The following POU2F1 variants were observed in gnomAD, a reference collection of about 807,000 sequenced individuals.
The protein encoded by POU2F1 is POU domain, class 2, transcription factor 1.
POU2F1 carries 16 observed loss-of-function variants against 84.9 expected under a neutral mutation model. The observed-to-expected ratio is 0.19, with a 90% confidence interval of 0.13 to 0.29. POU2F1 has a LOEUF of 0.29. Among genes scored for constraint, POU2F1 ranks in the 10% least tolerant of loss-of-function variants. The probability of loss-of-function intolerance (pLI) is 1.00; values close to 1 mark genes in which losing one functional copy is unlikely to be tolerated. For missense variants in POU2F1, 738 were observed against 942.6 expected (o/e 0.78, Z 2.84); for synonymous variants, 368 against 368.3 (o/e 1.00, Z 0.01).
chr1:167,253,713 C>T (rs531165016), intron 1 of POU2F1, among the ~76,000 whole-genome samples: 1 of 152,194 alleles, frequency 6.6e-6, no homozygotes, highest in South Asian at 2.1e-4. Flanking sequence ...AAGCCTGAGC[C>T]ACCACGTCCA....
intron 1 of POU2F1, among the ~76,000 whole-genome samples, chr1:167,290,221 T>C (rs148729520): frequency 6.6e-6 from 1 of 152,116 alleles, no homozygotes; most frequent in Non-Finnish European, 1.5e-5. Flanking sequence ...CAAAACCCTG[T>C]CTCTACAAAA....
intron 1 of POU2F1, among the ~76,000 whole-genome samples, chr1:167,267,164 A>G (rs897759761): frequency 6.6e-6 from 1 of 151,970 alleles, no homozygotes; most frequent in Admixed American, 6.6e-5. Flanking sequence ...TATAATGTGT[A>G]CTGATATAAA....
chr1:167,366,496 A>G (rs1335549926), intron 3 of POU2F1, among the ~76,000 whole-genome samples: 1 of 152,192 alleles, frequency 6.6e-6, no homozygotes, highest in Non-Finnish European at 1.5e-5. Flanking sequence ...CACCTAAACT[A>G]TAAAAGAAAT....
intron 1 of POU2F1, among the ~76,000 whole-genome samples, chr1:167,224,829 T>C (rs75272688): frequency 6.7e-6 from 1 of 149,260 alleles, no homozygotes. Flanking sequence ...TGTCTTCTTT[T>C]TTTTTTTTTT....
chr1:167,381,212 A>G (rs1337438508), intron 7 of POU2F1, among the ~76,000 whole-genome samples: 1 of 152,134 alleles, frequency 6.6e-6, no homozygotes, highest in Non-Finnish European at 1.5e-5. Flanking sequence ...CCTCCTGAGT[A>G]GCTGGGACTA....
chr1:167,351,561 G>GA (rs1395964577), intron 2 of POU2F1, among the ~76,000 whole-genome samples: 2 of 122,634 alleles, frequency 1.6e-5, no homozygotes, highest in Admixed American at 1.6e-4. Context: ...AGAAAAAAAA[G>GA]AAAAGAAACT....
At chr1:167,342,478 A>G (rs1245630256) in intron 2 of POU2F1, among the ~76,000 whole-genome samples, 1 of 152,194 alleles carries the variant, frequency 6.6e-6, no homozygotes, top group Non-Finnish European at 1.5e-5. Flanking sequence ...TATATTCATA[A>G]AAGAGCATGA....
At chr1:167,366,251 CAG>C (rs1659679552) in intron 3 of POU2F1, among the ~76,000 whole-genome samples, 1 of 152,166 alleles carries the variant, frequency 6.6e-6, no homozygotes, top group South Asian at 2.1e-4. Flanking sequence ...GCTAGATTAT[CAG>C]AGTGTCTCAA....
intron 1 of POU2F1, among the ~76,000 whole-genome samples, chr1:167,235,331 C>T (rs1649368706): frequency 6.6e-6 from 1 of 152,138 alleles, no homozygotes; most frequent in Non-Finnish European, 1.5e-5. Flanking sequence ...ACTTATATGC[C>T]AATCATCATT....
intron 7 of POU2F1, among the ~76,000 whole-genome samples, chr1:167,377,574 G>C (rs1228771513): frequency 6.6e-6 from 1 of 152,124 alleles, no homozygotes; most frequent in Non-Finnish European, 1.5e-5. Context: ...GTGACAGAGT[G>C]AGACTCCGTC....
At position 167,374,420 on chromosome 1, in the gene POU2F1, A is replaced by G. The variant is rs1055780517; in HGVS notation, c.591+124A>G. On this transcript the variant is annotated intron_variant, in intron 6 of 15. Transcript: ENST00000367866. ...TTAACTGCCTGAGGAGCTCTAGATCAGTGAGGTAAGCGGTACCCTTCCTTA... is the reference window on the plus strand; with the variant it reads ...TTAACTGCCTGAGGAGCTCTAGATCGGTGAGGTAAGCGGTACCCTTCCTTA... 5 of 874,874 alleles carry G rather than the reference A, an allele frequency of 5.7e-6. No homozygotes were observed. In the Admixed American group the frequency reaches 1.3e-4, roughly 22 times the overall value. 54.2% of individuals were successfully genotyped at this position (874,874 alleles called of 1,614,324 possible).
chr1:167,398,440 A>T (rs950684414), intron 11 of POU2F1, among the ~76,000 whole-genome samples: 1 of 152,112 alleles, frequency 6.6e-6, no homozygotes, highest in African/African-American at 2.4e-5. Context: ...TAAGCAGAGG[A>T]AATGCATGAG....
chr1:167,390,445 G>A (rs1459516194), intron 9 of POU2F1, among the ~76,000 whole-genome samples: 2 of 152,124 alleles, frequency 1.3e-5, no homozygotes, highest in East Asian at 1.9e-4. Context: ...ATTACGGGGT[G>A]TATTATATTA....
At chr1:167,322,788 A>G (rs931753509) in intron 1 of POU2F1, among the ~76,000 whole-genome samples, 2 of 152,230 alleles carry the variant, frequency 1.3e-5, no homozygotes, top group East Asian at 1.9e-4. Flanking sequence ...CATTGTTTTT[A>G]TAGATTTAGA....
chr1:167,322,772 C>T lies in POU2F1; in HGVS notation c.62-9698C>T, dbSNP rs139243510. ...ACATATTTATTGACAGTAAGCCAGT[C>T]ATAAGCATTGTTTTTATAGATTTAG... On this transcript the variant is annotated intron_variant, in intron 1 of 15. Transcript: ENST00000367866. 3.8e-3 allele frequency among the ~76,000 whole-genome samples: 581 copies of T among 152,326 alleles called. 3 individuals are homozygous for T. Among genetic ancestry groups the T allele is most frequent in the African/African-American group, 0.013 (559 of 41,570 alleles).
At chr1:167,296,457 G>A (rs1263791915) in intron 1 of POU2F1, among the ~76,000 whole-genome samples, 1 of 152,072 alleles carries the variant, frequency 6.6e-6, no homozygotes, top group Non-Finnish European at 1.5e-5. Context: ...GTCTGAAGCA[G>A]AAAAACTTCT....
At chr1:167,261,287 A>G (rs1421709806) in intron 1 of POU2F1, among the ~76,000 whole-genome samples, 1 of 152,128 alleles carries the variant, frequency 6.6e-6, no homozygotes, top group Non-Finnish European at 1.5e-5. Context: ...CTCCCCTGCC[A>G]CTCATGAAAG....
intron 9 of POU2F1, among the ~76,000 whole-genome samples, chr1:167,391,559 CTTTTTTTTTTTT>C (rs1175783404): frequency 1.6e-4 from 9 of 57,876 alleles, no homozygotes; most frequent in Non-Finnish European, 2.4e-4. Flanking sequence ...TTATATATAT[CTTTTTTTTTTTT>C]TTTTTTTTTT....
chr1:167,353,478 C>G (rs994654328), intron 2 of POU2F1, among the ~76,000 whole-genome samples: 2 of 151,858 alleles, frequency 1.3e-5, no homozygotes, highest in Non-Finnish European at 2.9e-5. Flanking sequence ...CTTACCTTTT[C>G]AGCATATCCC....
Sources: gnomAD v4.1 joint callset for allele counts (sites outside exome capture counted in the v4.1 genomes callset) on GRCh38, gnomAD v4.1.1 for gene constraint, MANE v1.5 for transcripts, NCBI Gene and HGNC (gene_info 2026-07-23, HGNC 2026-07-21) for gene names.